OMA1: variants seen among roughly 807,000 people sequenced by gnomAD.
The protein encoded by OMA1 is OMA1 zinc metallopeptidase.
A neutral mutation model predicts 30.9 loss-of-function variants in OMA1; 38 were observed. The ratio of observed to expected loss-of-function variants is 1.23; its 90% CI spans 0.95 to 1.61. The LOEUF (loss-of-function observed/expected upper bound fraction) is 1.61, where lower values mean the gene tolerates loss of function less well. Among genes scored for constraint, OMA1 ranks in the 40% most tolerant of loss-of-function variants. OMA1 has a pLI of 0.00. For synonymous variants in OMA1, 173 were observed against 121.9 expected, an observed-to-expected ratio of 1.42 and a Z score of -2.76; for missense variants, 461 against 349.2, an observed-to-expected ratio of 1.32 and a Z score of -2.55.
At chr1:58,541,293 CAAAAAAAAAAAAAAAAAAAAAAAAAAAAA>C (rs71043292) in intron 1 of OMA1, among the ~76,000 whole-genome samples, 3 of 27,562 alleles carry the variant, frequency 1.1e-4, no homozygotes, top group Non-Finnish European at 2.0e-4. Flanking sequence ...GACTCTGTCT[CAAAAAAAAAAAAAAAAAAAAAAAAAAAAA>C]AAAAAAAAAA....
intron 8 of OMA1, among the ~76,000 whole-genome samples, chr1:58,492,830 C>A (rs1405981765): frequency 6.6e-6 from 1 of 152,174 alleles, no homozygotes; most frequent in Non-Finnish European, 1.5e-5. Context: ...CGAATTCTAC[C>A]AGAGGTACAA....
intron 7 of OMA1, among the ~76,000 whole-genome samples, chr1:58,514,369 A>G (rs1029038651): frequency 3.9e-5 from 6 of 152,216 alleles, no homozygotes; most frequent in African/African-American, 7.2e-5. Context: ...ATATGTATAA[A>G]TAGATCTAGA....
intron 8 of OMA1, among the ~76,000 whole-genome samples, chr1:58,503,224 G>A (rs904550671): frequency 5.3e-5 from 8 of 152,088 alleles, no homozygotes; most frequent in Admixed American, 2.6e-4. Context: ...AAATCATATT[G>A]TTATCATTGC....
At chr1:58,502,378 A>G (rs1005219905) in intron 8 of OMA1, among the ~76,000 whole-genome samples, 1 of 152,128 alleles carries the variant, frequency 6.6e-6, no homozygotes, top group African/African-American at 2.4e-5. Flanking sequence ...CTTTTTCTCT[A>G]ATCACTTCCT....
At chr1:58,527,185 G>A in intron 7 of OMA1, 76 bp downstream of exon 7, 2 of 811,170 alleles carry the variant, frequency 2.5e-6, no homozygotes, top group Non-Finnish European at 2.2e-6. Flanking sequence ...CTTATGCCAA[G>A]CCTCATTAAA....
chr1:58,484,098 T>A (rs886505586), intron 8 of OMA1, among the ~76,000 whole-genome samples: 2 of 152,216 alleles, frequency 1.3e-5, no homozygotes, highest in East Asian at 3.8e-4. Flanking sequence ...TCAGTCTTTT[T>A]AATACAACAA....
chr1:58,533,214 T>G (rs1030745841), intron 5 of OMA1, among the ~76,000 whole-genome samples: 1 of 152,210 alleles, frequency 6.6e-6, no homozygotes, highest in Non-Finnish European at 1.5e-5. Flanking sequence ...TACATCAACT[T>G]GAATTCTATG....
intron 7 of OMA1, among the ~76,000 whole-genome samples, chr1:58,512,852 T>A (rs1010826305): frequency 9.2e-5 from 14 of 152,138 alleles, no homozygotes; most frequent in African/African-American, 3.4e-4. Context: ...TAGTTAAGTA[T>A]GTGTTGTAAA....
At chr1:58,497,963 C>T (rs1645832739) in intron 8 of OMA1, among the ~76,000 whole-genome samples, 1 of 152,154 alleles carries the variant, frequency 6.6e-6, no homozygotes. Flanking sequence ...CCATTTCCCT[C>T]TTGTTAATCT....
intron 8 of OMA1, among the ~76,000 whole-genome samples, chr1:58,493,187 G>T (rs1435277801): frequency 1.3e-5 from 2 of 152,030 alleles, no homozygotes; most frequent in African/African-American, 4.8e-5. Flanking sequence ...CTCAATAGAT[G>T]CAGAAAAGGC....
intron 8 of OMA1, among the ~76,000 whole-genome samples, chr1:58,496,149 T>C (rs1031798574): frequency 2.0e-5 from 3 of 152,110 alleles, no homozygotes; most frequent in Admixed American, 2.0e-4. Flanking sequence ...GCCTTTTCAA[T>C]ATTCTTTCAT....
chr1:58,494,980 T>C (rs1336302184), intron 8 of OMA1, among the ~76,000 whole-genome samples: 1 of 152,192 alleles, frequency 6.6e-6, no homozygotes, highest in Admixed American at 6.5e-5. Flanking sequence ...GTATGTTTAT[T>C]GCAGCACTAT....
At chr1:58,501,019 A>C (rs1398200717) in intron 8 of OMA1, among the ~76,000 whole-genome samples, 1 of 152,192 alleles carries the variant, frequency 6.6e-6, no homozygotes, top group African/African-American at 2.4e-5. Context: ...AAATTGATAC[A>C]ACATCTGCTC....
At chr1:58,516,392 C>G (rs1646158424) in intron 7 of OMA1, among the ~76,000 whole-genome samples, 1 of 152,198 alleles carries the variant, frequency 6.6e-6, no homozygotes, top group Admixed American at 6.5e-5. Context: ...AATGAATATT[C>G]ATACCCCAAA....
chr1:58,488,126 T>A (rs560316553), intron 8 of OMA1, among the ~76,000 whole-genome samples: 5 of 152,308 alleles, frequency 3.3e-5, no homozygotes, highest in Admixed American at 2.6e-4. Context: ...AATACAGATT[T>A]AGTAAAAACT....
At position 58,527,324 on chromosome 1, in the gene OMA1, A is replaced by G. The variant is rs1646367833; in HGVS notation, c.1152T>C (p.Asn384=). The G allele has an allele frequency of 1.1e-6, 1 of 872,094 alleles. No homozygotes were observed. Among genetic ancestry groups the G allele is most frequent in the African/African-American group, 1.6e-5 (1 of 61,432 alleles). The allele number at this position is 872,094 out of a possible 1,614,324, so 54.0% of individuals were successfully genotyped here. ...IQSKLQEYMF[N]RPYSRKLEAE... ...CCTCCAATTTTCTGCTGTATGGTCT[A>G]TTAAACATATACTAAGAAGAAATGA... Residue 384 remains asparagine (N), a synonymous_variant, in exon 7 of 9, where the codon AAT becomes AAC. Transcript: ENST00000371226.
intron 8 of OMA1, among the ~76,000 whole-genome samples, chr1:58,491,922 A>C (rs1645700310): frequency 6.6e-6 from 1 of 152,206 alleles, no homozygotes; most frequent in Non-Finnish European, 1.5e-5. Flanking sequence ...GACCTAATAG[A>C]CATCTACAGA....
chr1:58,527,357 G>A, intron 6 of OMA1, 22 bp from the exon 7 acceptor site: 1 of 867,308 alleles, frequency 1.2e-6, no homozygotes, highest in East Asian at 2.4e-5. Context: ...TGACAGAAAA[G>A]CTCCATTAAG....
chr1:58,506,972 T>C (rs1265769840), intron 7 of OMA1, among the ~76,000 whole-genome samples: 1 of 152,100 alleles, frequency 6.6e-6, no homozygotes, highest in Non-Finnish European at 1.5e-5. Context: ...TACATACTCA[T>C]ACGTATATAC....
Sources: gnomAD v4.1 joint callset for allele counts (sites outside exome capture counted in the v4.1 genomes callset) on GRCh38, gnomAD v4.1.1 for gene constraint, MANE v1.5 for transcripts, NCBI Gene and HGNC (gene_info 2026-07-23, HGNC 2026-07-21) for gene names.